Variants in KIF26B observed in about 807,000 individuals in gnomAD.
KIF26B encodes kinesin-like protein KIF26B.
Under a neutral mutation model 151.2 loss-of-function variants are expected in KIF26B, and 63 were observed. The ratio of observed to expected loss-of-function variants is 0.42; its 90% confidence interval spans 0.34 to 0.51. KIF26B has a LOEUF of 0.51. Ranked by LOEUF, KIF26B falls within the 20% of genes least tolerant of loss-of-function variation. KIF26B has a pLI of 0.07. For missense variants in KIF26B, 2,813 were observed against 2,913.6 expected, an observed-to-expected ratio of 0.97 and a Z score of 0.79; for synonymous variants, 1,357 against 1,262.1, an observed-to-expected ratio of 1.08 and a Z score of -1.59.
chr1:245,493,489 G>A (rs148874711), intron 4 of KIF26B, among the ~76,000 whole-genome samples: 74 of 152,340 alleles, frequency 4.9e-4, no homozygotes, highest in African/African-American at 1.6e-3. Flanking sequence ...AAACTCTGCC[G>A]TTGACCAGTA....
At chr1:245,480,714 T>C (rs1016639715) in intron 4 of KIF26B, among the ~76,000 whole-genome samples, 2 of 151,378 alleles carry the variant, frequency 1.3e-5, no homozygotes, top group Non-Finnish European at 3.0e-5. Flanking sequence ...GACTTGGGAT[T>C]CTTGATGTTA....
At chr1:245,252,540 A>C (rs1209602151) in intron 2 of KIF26B, among the ~76,000 whole-genome samples, 1 of 152,110 alleles carries the variant, frequency 6.6e-6, no homozygotes, top group Non-Finnish European at 1.5e-5. Flanking sequence ...TATTAATGAG[A>C]TATATAACAA....
chr1:245,261,356 C>T (rs1320637444), intron 2 of KIF26B, among the ~76,000 whole-genome samples: 1 of 152,076 alleles, frequency 6.6e-6, no homozygotes, highest in Non-Finnish European at 1.5e-5. Context: ...GTCTCGAACT[C>T]CCGACCTCAG....
chr1:245,665,999 C>CTATT, intron 10 of KIF26B, among the ~76,000 whole-genome samples: 1 of 107,414 alleles, frequency 9.3e-6, no homozygotes, highest in Non-Finnish European at 1.8e-5. Flanking sequence ...ACATTATGTC[C>CTATT]TTTTTTTTTT....
intron 2 of KIF26B, among the ~76,000 whole-genome samples, chr1:245,354,583 C>G (rs182330281): frequency 1.3e-5 from 2 of 152,320 alleles, no homozygotes; most frequent in South Asian, 4.1e-4. Context: ...CTGGGCCAGG[C>G]GGTCAGGATC....
chr1:245,561,576 C>T (rs143338245), intron 5 of KIF26B, among the ~76,000 whole-genome samples: 9 of 152,320 alleles, frequency 5.9e-5, no homozygotes, highest in Admixed American at 1.3e-4. Context: ...CATTTACATA[C>T]GTAATACATT....
rs547772639 is a variant in KIF26B at position 245,488,854 on chromosome 1, C to T, written c.1167-51913C>T. 6.6e-6 allele frequency among the ~76,000 whole-genome samples: 1 copy of T among 152,118 alleles called. No homozygotes were observed. The highest frequency in any genetic ancestry group is 1.5e-5 in the Non-Finnish European group (1 of 68,028). On this transcript the variant is annotated intron_variant, in intron 4 of 14. Transcript: ENST00000407071. The surrounding 1 kb of genome is among the most constrained non-coding windows in gnomAD (Gnocchi z 4.6). The stretch of plus-strand genomic sequence containing the variant: ...CCTTAATAACAGAGGGACCAAGACT[C>T]GATTCTTTATGCCTTAGGCTAGGTT...
In KIF26B at chr1:245,540,596, T is replaced by C; in HGVS notation, c.1167-171T>C. 1.3e-6 allele frequency: 1 copy of C among 747,082 alleles called. No homozygotes were observed. Among genetic ancestry groups the C allele is most frequent in the Non-Finnish European group, 2.5e-6 (1 of 406,046 alleles). 46.3% of individuals were successfully genotyped at this position (747,082 alleles called of 1,614,324 possible). ...TCGTATAAATGATTGGGTAGCTCGT[T>C]AACTTCACTCTGTTATAGTAAGGGA... On this transcript the variant is annotated intron_variant, in intron 4 of 14. Transcript: ENST00000407071. The surrounding 1 kb of genome is among the most constrained non-coding windows in gnomAD (Gnocchi z 4.6).
At chr1:245,514,652 T>C (rs991551925) in intron 4 of KIF26B, among the ~76,000 whole-genome samples, 1 of 152,244 alleles carries the variant, frequency 6.6e-6, no homozygotes, top group African/African-American at 2.4e-5. Flanking sequence ...CAAGTTTTCC[T>C]GACCAGAGGA....
intron 2 of KIF26B, among the ~76,000 whole-genome samples, chr1:245,330,762 GAGT>G (rs1672090567): frequency 1.2e-5 from 1 of 84,428 alleles, no homozygotes; most frequent in Non-Finnish European, 2.4e-5. Context: ...GTGGGGGAGG[GAGT>G]GGTGGAGGGA....
At chr1:245,345,931 C>CT (rs371687031) in intron 2 of KIF26B, among the ~76,000 whole-genome samples, 10,338 of 138,774 alleles carry the variant, frequency 0.074, 759 homozygotes, top group African/African-American at 0.19. Flanking sequence ...TTCTTTCTTT[C>CT]TTTCTTTTTT....
chr1:245,460,421 T>G (rs1403035175), intron 4 of KIF26B, among the ~76,000 whole-genome samples: 1 of 152,164 alleles, frequency 6.6e-6, no homozygotes, highest in Non-Finnish European at 1.5e-5. Context: ...TAATGTTTCC[T>G]TGTAACACAG....
At chr1:245,605,868 A>G (rs1481806574) in intron 6 of KIF26B, among the ~76,000 whole-genome samples, 1 of 152,150 alleles carries the variant, frequency 6.6e-6, no homozygotes, top group Non-Finnish European at 1.5e-5. Context: ...CGGCCTCTGC[A>G]CGGGTGACTC....
intron 4 of KIF26B, among the ~76,000 whole-genome samples, chr1:245,452,455 A>G (rs1378610912): frequency 6.6e-6 from 1 of 152,164 alleles, no homozygotes; most frequent in African/African-American, 2.4e-5. Context: ...TGGGTTTATA[A>G]CTATGAGTGG....
At chr1:245,395,741 A>G (rs1174336074) in intron 3 of KIF26B, among the ~76,000 whole-genome samples, 1 of 152,150 alleles carries the variant, frequency 6.6e-6, no homozygotes, top group South Asian at 2.1e-4. Flanking sequence ...TGTCATAATC[A>G]CGTCAGCCTA....
chr1:245,641,758 C>A (rs944617451), intron 9 of KIF26B, among the ~76,000 whole-genome samples: 1 of 152,168 alleles, frequency 6.6e-6, no homozygotes, highest in Admixed American at 6.6e-5. Flanking sequence ...TTCCTTAAAA[C>A]TGCTATTTTG....
intron 5 of KIF26B, among the ~76,000 whole-genome samples, chr1:245,550,279 A>C (rs781156503): frequency 1.3e-5 from 2 of 152,240 alleles, no homozygotes; most frequent in Non-Finnish European, 2.9e-5. Flanking sequence ...AGCTGTAGCT[A>C]ATAAAGTTAT....
intron 10 of KIF26B, among the ~76,000 whole-genome samples, chr1:245,679,397 C>A (rs976077471): frequency 2.0e-4 from 29 of 144,452 alleles, no homozygotes; most frequent in African/African-American, 7.2e-4. Context: ...TAAGTGTTCA[C>A]TGATTTTAAA....
intron 3 of KIF26B, chr1:245,370,533 C>T (rs948919899): frequency 2.2e-6 from 1 of 449,630 alleles, no homozygotes; most frequent in African/African-American, 2.0e-5. Context: ...TTGTGTGAGC[C>T]ACATACTTGT....
Sources: gnomAD v4.1 joint callset for allele counts (sites outside exome capture counted in the v4.1 genomes callset) on GRCh38, gnomAD v4.1.1 for gene constraint, Gnocchi (gnomAD v3.1) non-coding constraint, MANE v1.5 for transcripts, NCBI Gene and HGNC (gene_info 2026-07-23, HGNC 2026-07-21) for gene names.